CNTNAP5: variants seen among roughly 807,000 people sequenced by gnomAD.
The protein encoded by CNTNAP5 is contactin associated protein family member 5.
CNTNAP5 carries 72 observed loss-of-function variants against 150.2 expected under a neutral mutation model. The observed-to-expected ratio is 0.48, with a 90% CI of 0.40 to 0.58. CNTNAP5 has a LOEUF of 0.58. Among genes scored for constraint, CNTNAP5 ranks in the 20% least tolerant of loss-of-function variants. The pLI is 0.00. For missense variants in CNTNAP5, 1,636 were observed against 1,626.2 expected, an observed-to-expected ratio of 1.01 and a Z score of -0.10; for synonymous variants, 672 against 619.8, an observed-to-expected ratio of 1.08 and a Z score of -1.25.
chr2:124,439,431 A>C (rs1267373019), intron 5 of CNTNAP5, among the ~76,000 whole-genome samples: 1 of 152,212 alleles, frequency 6.6e-6, no homozygotes. Flanking sequence ...GAAATAAAAT[A>C]ACTATGCATC....
At chr2:124,412,499 C>T (rs978878874) in intron 3 of CNTNAP5, among the ~76,000 whole-genome samples, 1 of 151,710 alleles carries the variant, frequency 6.6e-6, no homozygotes, top group Non-Finnish European at 1.5e-5. Flanking sequence ...GCTACAGTAA[C>T]CAAAATAGCA....
At chr2:124,659,830 A>G (rs959494737) in intron 13 of CNTNAP5, among the ~76,000 whole-genome samples, 2 of 152,154 alleles carry the variant, frequency 1.3e-5, no homozygotes, top group South Asian at 4.1e-4. Flanking sequence ...TTTTCTATGG[A>G]AAAGCACCTC....
intron 3 of CNTNAP5, among the ~76,000 whole-genome samples, chr2:124,379,913 TG>T (rs1272392340): frequency 6.6e-6 from 1 of 152,164 alleles, no homozygotes; most frequent in Non-Finnish European, 1.5e-5. Flanking sequence ...CCATTGTTCC[TG>T]ATACTTTGGT....
At chr2:124,032,882 G>A (rs1439360538) in intron 1 of CNTNAP5, among the ~76,000 whole-genome samples, 4 of 152,116 alleles carry the variant, frequency 2.6e-5, no homozygotes, top group African/African-American at 9.7e-5. Flanking sequence ...TCATCCTGAT[G>A]CATCTTCTAG....
chr2:124,083,071 C>A (rs1278529424), intron 1 of CNTNAP5, among the ~76,000 whole-genome samples: 1 of 152,150 alleles, frequency 6.6e-6, no homozygotes, highest in Non-Finnish European at 1.5e-5. Flanking sequence ...CTTTCTCAGG[C>A]TGGGCGCAGT....
chr2:124,392,258 A>G (rs1460179751), intron 3 of CNTNAP5, among the ~76,000 whole-genome samples: 1 of 152,182 alleles, frequency 6.6e-6, no homozygotes, highest in Non-Finnish European at 1.5e-5. Flanking sequence ...GATGAGGAAA[A>G]GGTCAAATAA....
At chr2:124,771,118 T>C (rs1242381802) in intron 16 of CNTNAP5, among the ~76,000 whole-genome samples, 1 of 152,148 alleles carries the variant, frequency 6.6e-6, no homozygotes, top group East Asian at 1.9e-4. Flanking sequence ...TCAGTTAAGG[T>C]TTAAAGGCTG....
At chr2:124,223,317 A>G (rs1170610) in intron 2 of CNTNAP5, among the ~76,000 whole-genome samples, 25,340 of 152,090 alleles carry the variant, frequency 0.17, 2,413 homozygotes, top group East Asian at 0.35. Flanking sequence ...TTCAAATGCG[A>G]GCTATGCCAC....
intron 23 of CNTNAP5, among the ~76,000 whole-genome samples, chr2:124,912,508 G>A (rs1018675296): frequency 6.6e-6 from 1 of 152,030 alleles, no homozygotes; most frequent in African/African-American, 2.4e-5. Context: ...TGGGAGCACA[G>A]AGGTGCACTC....
intron 3 of CNTNAP5, among the ~76,000 whole-genome samples, chr2:124,412,744 G>T (rs1209180879): frequency 9.1e-6 from 1 of 109,618 alleles, no homozygotes; most frequent in African/African-American, 4.0e-5. Flanking sequence ...ATGGATTAAA[G>T]ATTTAAACGT....
At chr2:124,559,190 C>T (rs1455326304) in intron 10 of CNTNAP5, among the ~76,000 whole-genome samples, 1 of 152,168 alleles carries the variant, frequency 6.6e-6, no homozygotes, top group Non-Finnish European at 1.5e-5. Flanking sequence ...AATAGCCCCA[C>T]CTAGCAATGA....
At chr2:124,471,428 T>G (rs758750752) in intron 6 of CNTNAP5, among the ~76,000 whole-genome samples, 1 of 152,218 alleles carries the variant, frequency 6.6e-6, no homozygotes, top group African/African-American at 2.4e-5. Context: ...ATTATGAGAC[T>G]TTGCTGAAGT....
chr2:124,153,508 CTG>C (rs1684451808), intron 1 of CNTNAP5, among the ~76,000 whole-genome samples: 1 of 150,598 alleles, frequency 6.6e-6, no homozygotes, highest in African/African-American at 2.4e-5. Context: ...CTGGCAGATT[CTG>C]TGTCTGGTGA....
At chr2:124,586,349 G>A (rs1312080019) in intron 11 of CNTNAP5, among the ~76,000 whole-genome samples, 1 of 152,214 alleles carries the variant, frequency 6.6e-6, no homozygotes, top group African/African-American at 2.4e-5. Flanking sequence ...ACAATGGCAT[G>A]AGTCAGGGTC....
chr2:124,332,414 C>A (rs1302714670), intron 3 of CNTNAP5, among the ~76,000 whole-genome samples: 1 of 151,082 alleles, frequency 6.6e-6, no homozygotes, highest in African/African-American at 2.4e-5. Context: ...TGTAGACTAA[C>A]ACAATTTTAT....
intron 11 of CNTNAP5, 53 bp from the exon 12 acceptor site, chr2:124,609,748 A>G: frequency 1.3e-6 from 2 of 1,584,316 alleles, no homozygotes. Context: ...ATTCCTGCAA[A>G]GGGATATGCA....
At chr2:124,172,425 T>A (rs1489064043) in intron 1 of CNTNAP5, among the ~76,000 whole-genome samples, 3 of 152,156 alleles carry the variant, frequency 2.0e-5, no homozygotes, top group Non-Finnish European at 4.4e-5. Flanking sequence ...TTTCTTTCTT[T>A]CTTTTGAGAC....
At position 124,790,001 on chromosome 2, in the gene CNTNAP5, C is replaced by G; in HGVS notation, c.2852C>G (p.Ser951Cys). 6.2e-7 allele frequency: 1 copy of G among 1,613,970 alleles called. No individual in the cohort carries two copies. Among genetic ancestry groups the G allele is most frequent in the Non-Finnish European group, 8.5e-7 (1 of 1,179,850 alleles). ...MDLEERAKVT[S>C]GVRPGCPGHC... ...CTGGAAGAGAGGGCAAAGGTCACATCTGGAGTCAGGCCAGGCTGCCCCGGC... is the reference window on the plus strand; with the variant it reads ...CTGGAAGAGAGGGCAAAGGTCACATGTGGAGTCAGGCCAGGCTGCCCCGGC... Residue 951 changes from serine (S) to cysteine (C), a missense_variant, in exon 18 of 24, where the codon TCT becomes TGT. Physicochemically the swap from Ser to Cys is moderately radical, Grantham distance 112. Coordinates refer to ENST00000682447, the MANE Select transcript of CNTNAP5 (RefSeq NM_001367498.1).
At chr2:124,632,989 G>C in intron 12 of CNTNAP5, among the ~76,000 whole-genome samples, 1 of 151,988 alleles carries the variant, frequency 6.6e-6, no homozygotes, top group East Asian at 1.9e-4. Flanking sequence ...CTAGGAGAAT[G>C]GTGCTATTTA....
Sources: gnomAD v4.1 joint callset for allele counts (sites outside exome capture counted in the v4.1 genomes callset) on GRCh38, gnomAD v4.1.1 for gene constraint, MANE v1.5 for transcripts, NCBI Gene and HGNC (gene_info 2026-07-23, HGNC 2026-07-21) for gene names.